CXADR: variants seen among roughly 807,000 people sequenced by gnomAD.
CXADR encodes the protein CXADR cell adhesion molecule.
In CXADR, 20 loss-of-function variants were observed where a neutral mutation model predicts 40.3. The ratio of observed to expected loss-of-function variants is 0.50; its 90% CI spans 0.35 to 0.72. The LOEUF is 0.72. CXADR is among the 30% of genes least tolerant of loss of function. CXADR has a pLI of 0.01. For missense variants in CXADR, 332 were observed against 449.1 expected (o/e 0.74, Z 2.36); for synonymous variants, 150 against 161.3 (o/e 0.93, Z 0.53).
chr21:17,558,749 G>A (rs1013821755), intron 3 of CXADR, among the ~76,000 whole-genome samples: 1 of 152,122 alleles, frequency 6.6e-6, no homozygotes, highest in Non-Finnish European at 1.5e-5. Flanking sequence ...CTGAGATATT[G>A]CCATATCTAC....
chr21:17,566,928 G>C lies in CXADR; in HGVS notation c.*1236G>C, dbSNP rs1229275719. ...CTTTGAAAAAGTTTGTCTTAGTTTT[G>C]TGAAGGTGATTTATTCTTAAAAAAA... On this transcript the variant is annotated 3_prime_UTR_variant, in exon 7 of 7. Transcript: ENST00000284878. 3.1e-6 allele frequency: 3 copies of C among 970,208 alleles called. No homozygotes were observed. 60.1% of individuals were successfully genotyped at this position (970,208 alleles called of 1,614,324 possible). A position where few individuals can be genotyped will look rare whatever the true frequency, so the allele number is the denominator to read the frequency against.
Position 17,568,803 on chromosome 21 carries a change from T to C in CXADR, c.*3111T>C. The C allele has an allele frequency of 6.1e-6, 6 of 985,088 alleles. No homozygotes were observed. The highest frequency in any genetic ancestry group is 7.2e-6 in the Non-Finnish European group (6 of 829,896). The allele number at this position is 985,088 out of a possible 1,614,324, so 61.0% of individuals were successfully genotyped here. Reference sequence around the variant, plus strand: ...CCTCTCACTCCCCCACCCCCAAAAATGTCTACTATTCATGACAGTAACCAA... The same window carrying C: ...CCTCTCACTCCCCCACCCCCAAAAACGTCTACTATTCATGACAGTAACCAA... On this transcript the variant is annotated 3_prime_UTR_variant, in exon 7 of 7. Coordinates refer to ENST00000284878, the MANE Select transcript of CXADR (RefSeq NM_001338.5).
chr21:17,541,754 A>G (rs1186164621), intron 1 of CXADR, among the ~76,000 whole-genome samples: 1 of 151,966 alleles, frequency 6.6e-6, no homozygotes, highest in African/African-American at 2.4e-5. Flanking sequence ...TGGCTAGAGT[A>G]TGCATTTTTG....
the CXADR span, among the ~76,000 whole-genome samples, chr21:17,634,753 AT>A: frequency 6.6e-6 from 1 of 151,926 alleles, no homozygotes; most frequent in East Asian, 1.9e-4. Context: ...TTAATTTTTA[AT>A]TTTTTTTAGA....
At chr21:17,587,785 G>T (rs2061408305) in intron 7 of CXADR, among the ~76,000 whole-genome samples, 1 of 151,996 alleles carries the variant, frequency 6.6e-6, no homozygotes. Context: ...CATTGCTTTT[G>T]GTGTTTTAGA....
At chr21:17,514,973 A>AT (rs59819426) in intron 1 of CXADR, among the ~76,000 whole-genome samples, 5,397 of 146,264 alleles carry the variant, frequency 0.037, 299 homozygotes, top group African/African-American at 0.12. Flanking sequence ...ATTGGATTTA[A>AT]TTTTTTTTTT....
chr21:17,633,971 A>G, the CXADR span, among the ~76,000 whole-genome samples: 1 of 152,152 alleles, frequency 6.6e-6, no homozygotes, highest in Non-Finnish European at 1.5e-5. Context: ...TTGTTTATAG[A>G]TTCGAATTCT....
chr21:17,521,787 T>C (rs1421763261), intron 1 of CXADR, among the ~76,000 whole-genome samples: 1 of 152,192 alleles, frequency 6.6e-6, no homozygotes, highest in Non-Finnish European at 1.5e-5. Context: ...AGATAAAGAC[T>C]CTTTTAACTT....
chr21:17,606,440 G>A, the CXADR span, among the ~76,000 whole-genome samples: 1 of 152,096 alleles, frequency 6.6e-6, no homozygotes, highest in Admixed American at 6.5e-5. Context: ...ATACTGCTTA[G>A]TCCTTTTAAA....
At chr21:17,579,575 C>T (rs543569512) in intron 7 of CXADR, among the ~76,000 whole-genome samples, 13 of 152,238 alleles carry the variant, frequency 8.5e-5, no homozygotes, top group Non-Finnish European at 1.0e-4. Flanking sequence ...TGAGCCACTG[C>T]GCCCCGCCGG....
At chr21:17,513,714 A>G (rs1177791426) in intron 1 of CXADR, among the ~76,000 whole-genome samples, 2 of 152,246 alleles carry the variant, frequency 1.3e-5, no homozygotes. Flanking sequence ...AGCGAACGCC[A>G]GCCTGGACGG....
chr21:17,625,208 AT>A, the CXADR span, among the ~76,000 whole-genome samples: 1 of 146,108 alleles, frequency 6.8e-6, no homozygotes, highest in Non-Finnish European at 1.5e-5. Context: ...CGAAGTGTGA[AT>A]TTTACCTAAG....
At chr21:17,552,684 A>G (rs1028890167) in intron 3 of CXADR, among the ~76,000 whole-genome samples, 1 of 152,208 alleles carries the variant, frequency 6.6e-6, no homozygotes, top group Admixed American at 6.5e-5. Context: ...GTAGAAAAAC[A>G]TAGCTGTCTA....
chr21:17,597,920 G>GT (rs1242607214), downstream of CXADR, among the ~76,000 whole-genome samples: 3 of 152,068 alleles, frequency 2.0e-5, no homozygotes, highest in Non-Finnish European at 4.4e-5. Flanking sequence ...ATCAAAGCAA[G>GT]TAAGTAAAAA....
chr21:17,590,373 A>G (rs1284941432), intron 7 of CXADR, among the ~76,000 whole-genome samples: 6 of 152,176 alleles, frequency 3.9e-5, no homozygotes, highest in African/African-American at 1.4e-4. Flanking sequence ...GATAAGGGTT[A>G]AACATGCTTC....
At chr21:17,528,704 G>A (rs929740031) in intron 1 of CXADR, among the ~76,000 whole-genome samples, 2 of 152,112 alleles carry the variant, frequency 1.3e-5, no homozygotes, top group African/African-American at 4.8e-5. Flanking sequence ...CAGCACGCCC[G>A]GCCAACCAGA....
At chr21:17,553,157 A>C (rs1303692158) in intron 3 of CXADR, among the ~76,000 whole-genome samples, 1 of 152,196 alleles carries the variant, frequency 6.6e-6, no homozygotes, top group African/African-American at 2.4e-5. Flanking sequence ...TCCTGACCTC[A>C]GGTGATCCAC....
At chr21:17,586,023 G>A (rs1397236292) in intron 7 of CXADR, among the ~76,000 whole-genome samples, 3 of 152,088 alleles carry the variant, frequency 2.0e-5, no homozygotes, top group Non-Finnish European at 2.9e-5. Context: ...TATTCTTTGC[G>A]AATATAGTAT....
chr21:17,608,829 G>T, the CXADR span: 1 of 790,226 alleles, frequency 1.3e-6, no homozygotes. Flanking sequence ...AAATGAGTAA[G>T]GAGAAAATAT....
Sources: allele counts gnomAD v4.1 joint callset (sites outside exome capture counted in the v4.1 genomes callset), GRCh38; gene constraint gnomAD v4.1.1; transcripts MANE v1.5; gene names NCBI Gene and HGNC (gene_info 2026-07-23, HGNC 2026-07-21).